Variants in LIMS1 observed in about 807,000 individuals in gnomAD.
The protein encoded by LIMS1 is LIM and senescent cell antigen-like-containing domain protein 1.
In LIMS1, 18 loss-of-function variants were observed where a neutral mutation model predicts 44.1. The observed-to-expected ratio is 0.41, with a 90% CI of 0.28 to 0.61. The LOEUF is 0.61. Ranked by LOEUF, LIMS1 falls within the 20% of genes least tolerant of loss-of-function variation. The pLI, the probability that LIMS1 is intolerant of heterozygous loss-of-function variation, is 0.32. For synonymous variants in LIMS1, 93 were observed against 149.1 expected (o/e 0.62, Z 2.74); for missense variants, 201 against 422.0 (o/e 0.48, Z 4.59).
At chr2:108,650,413 CT>C (rs113015874) in intron 1 of LIMS1, among the ~76,000 whole-genome samples, 7,390 of 145,092 alleles carry the variant, frequency 0.051, 238 homozygotes, top group South Asian at 0.15. Context: ...CTTTTCTTTT[CT>C]TTTTTTTTTT....
At chr2:108,625,395 G>C (rs1395304092) in intron 1 of LIMS1, among the ~76,000 whole-genome samples, 1 of 152,078 alleles carries the variant, frequency 6.6e-6, no homozygotes. Context: ...TTTACCTTCA[G>C]GCCCTTCACA....
intron 1 of LIMS1, among the ~76,000 whole-genome samples, chr2:108,606,827 A>G (rs1237172757): frequency 1.3e-5 from 2 of 152,198 alleles, no homozygotes; most frequent in African/African-American, 4.8e-5. Context: ...ACATAGAGAA[A>G]TGGTAGATCC....
At chr2:108,681,462 A>G in intron 9 of LIMS1, 6 of 974,272 alleles carry the variant, frequency 6.2e-6, no homozygotes, top group Non-Finnish European at 7.3e-6. Context: ...GAAGAATTCT[A>G]ATCTCTTAAT....
intron 1 of LIMS1, among the ~76,000 whole-genome samples, chr2:108,570,372 G>T (rs1482047657): frequency 6.6e-6 from 1 of 151,446 alleles, no homozygotes; most frequent in African/African-American, 2.4e-5. Flanking sequence ...GGAGGTTGCA[G>T]TGAGCCGAGA....
chr2:108,591,398 C>T (rs1160060130), intron 1 of LIMS1, among the ~76,000 whole-genome samples: 1 of 152,050 alleles, frequency 6.6e-6, no homozygotes, highest in Non-Finnish European at 1.5e-5. Context: ...TTGATAGTTT[C>T]TTGATGTCAG....
intron 1 of LIMS1, among the ~76,000 whole-genome samples, chr2:108,567,292 G>A (rs779548993): frequency 2.6e-5 from 4 of 152,132 alleles, no homozygotes; most frequent in Non-Finnish European, 4.4e-5. Context: ...TCGTCGCAGT[G>A]TGAGTGGGTG....
At chr2:108,671,253 A>G (rs1692143637) in intron 3 of LIMS1, among the ~76,000 whole-genome samples, 1 of 152,024 alleles carries the variant, frequency 6.6e-6, no homozygotes, top group Non-Finnish European at 1.5e-5. Flanking sequence ...TTTAGTGCTC[A>G]TTATGAATAA....
intron 1 of LIMS1, among the ~76,000 whole-genome samples, chr2:108,636,175 G>A (rs191347071): frequency 2.0e-4 from 31 of 152,292 alleles, no homozygotes; most frequent in Non-Finnish European, 4.0e-4. Flanking sequence ...CTCCGTGCCC[G>A]GGGTCACACT....
intron 1 of LIMS1, among the ~76,000 whole-genome samples, chr2:108,560,252 G>A (rs1332632649): frequency 1.3e-5 from 2 of 152,148 alleles, no homozygotes; most frequent in South Asian, 2.1e-4. Flanking sequence ...AGCAGCCAAA[G>A]TGATCTTGTT....
intron 1 of LIMS1, among the ~76,000 whole-genome samples, chr2:108,600,148 C>G (rs1480195129): frequency 6.6e-6 from 1 of 151,242 alleles, no homozygotes; most frequent in Non-Finnish European, 1.5e-5. Context: ...CTTTTGGGCT[C>G]AAGCGATTCT....
At chr2:108,637,099 A>ATGTGTGTGTGTGTG (rs74315160) in intron 1 of LIMS1, among the ~76,000 whole-genome samples, 21 of 98,606 alleles carry the variant, frequency 2.1e-4, no homozygotes, top group South Asian at 6.5e-4. Context: ...ATATACATAT[A>ATGTGTGTGTGTGTG]TGTGTGTGTG....
At chr2:108,560,516 C>G (rs1408677417) in intron 1 of LIMS1, among the ~76,000 whole-genome samples, 1 of 151,992 alleles carries the variant, frequency 6.6e-6, no homozygotes, top group Non-Finnish European at 1.5e-5. Flanking sequence ...GCTGTTCCTA[C>G]CCAAAGACTG....
At chr2:108,535,846 C>T (rs1326629738) in intron 1 of LIMS1, among the ~76,000 whole-genome samples, 1 of 152,132 alleles carries the variant, frequency 6.6e-6, no homozygotes, top group East Asian at 1.9e-4. Flanking sequence ...CCTAGTTTGT[C>T]AGTTGTTCTT....
At chr2:108,676,435 C>T in intron 6 of LIMS1, among the ~76,000 whole-genome samples, 171 bp from the exon 7 acceptor site, 1 of 152,188 alleles carries the variant, frequency 6.6e-6, no homozygotes, top group Non-Finnish European at 1.5e-5. Context: ...CAAAGACAGA[C>T]ACCTGAATTA....
chr2:108,670,223 G>T (rs1692073448), intron 2 of LIMS1, among the ~76,000 whole-genome samples: 1 of 152,142 alleles, frequency 6.6e-6, no homozygotes, highest in Non-Finnish European at 1.5e-5. Context: ...ACTGGCTAAC[G>T]CCTGTGGTCC....
chr2:108,648,734 A>G (rs1478993408), intron 1 of LIMS1, among the ~76,000 whole-genome samples: 2 of 152,240 alleles, frequency 1.3e-5, no homozygotes, highest in African/African-American at 2.4e-5. Context: ...CAATGGGGAA[A>G]GGTTTCCCTA....
intron 5 of LIMS1, among the ~76,000 whole-genome samples, chr2:108,675,523 T>C (rs1016329235): frequency 6.6e-5 from 10 of 152,186 alleles, no homozygotes; most frequent in Non-Finnish European, 1.2e-4. Flanking sequence ...CAGATAGTAT[T>C]ACTGAGTCTA....
chr2:108,552,337 TGTA>T (rs1183399622), intron 1 of LIMS1, among the ~76,000 whole-genome samples: 1 of 141,800 alleles, frequency 7.1e-6, no homozygotes, highest in South Asian at 2.1e-4. Flanking sequence ...ATACTATACG[TGTA>T]GTATATATAT....
chr2:108,572,380 C>CTTTTTTTT (rs780841996), intron 1 of LIMS1, among the ~76,000 whole-genome samples: 4 of 112,754 alleles, frequency 3.5e-5, no homozygotes, highest in Non-Finnish European at 7.0e-5. Flanking sequence ...GGGACTCTTG[C>CTTTTTTTT]TTTTTTTTTT....
Sources: allele counts gnomAD v4.1 joint callset (sites outside exome capture counted in the v4.1 genomes callset), GRCh38; gene constraint gnomAD v4.1.1; transcripts MANE v1.5; gene names NCBI Gene and HGNC (gene_info 2026-07-23, HGNC 2026-07-21).